RPS6KC1: variants seen among roughly 807,000 people sequenced by gnomAD.
RPS6KC1 encodes ribosomal protein S6 kinase C1, also known as inactive ribosomal protein S6 kinase delta-1.
Under a neutral mutation model 103.8 loss-of-function variants are expected in RPS6KC1, and 54 were observed. The observed-to-expected ratio is 0.52, with a 90% CI of 0.42 to 0.65. The LOEUF is 0.65. Ranked by LOEUF, RPS6KC1 falls within the 30% of genes least tolerant of loss-of-function variation. The pLI is 0.00. For synonymous variants in RPS6KC1, 439 were observed against 438.7 expected (o/e 1.00, Z -0.01); for missense variants, 1,151 against 1,253.8 (o/e 0.92, Z 1.24).
At chr1:213,438,892 C>G in the RPS6KC1 span, among the ~76,000 whole-genome samples, 4 of 149,534 alleles carry the variant, frequency 2.7e-5, no homozygotes, top group Admixed American at 2.7e-4. Flanking sequence ...CTCCCGGGTT[C>G]ACACCATTCT....
chr1:213,119,065 A>G (rs2084041310), intron 5 of RPS6KC1, among the ~76,000 whole-genome samples: 1 of 151,928 alleles, frequency 6.6e-6, no homozygotes, highest in East Asian at 1.9e-4. Flanking sequence ...CTGTTGCCTC[A>G]GTTTCCCTAC....
chr1:213,176,428 T>C lies in RPS6KC1; in HGVS notation c.980T>C (p.Leu327Pro), dbSNP rs1018986778. Residue 327 changes from leucine (L) to proline (P), a missense_variant, in exon 8 of 15, where the codon CTT becomes CCT. Transcript: ENST00000366960. ...CCAGGATCACTAAGTTCAAGGCCCC[T>C]TTGGAACCTAAGGAGCCCTGCCGAG... is the stretch of plus-strand genomic sequence containing the variant. Reference protein sequence around the residue: ...QPPGSLSSRPLWNLRSPAEEL... With the variant: ...QPPGSLSSRPPWNLRSPAEEL... The C allele has an allele frequency of 6.2e-7, 1 of 1,608,570 alleles. No homozygotes were observed. Among genetic ancestry groups the C allele is most frequent in the Non-Finnish European group, 8.5e-7 (1 of 1,175,940 alleles).
chr1:213,261,716 C>T (rs754915691), intron 13 of RPS6KC1, 76 bp downstream of exon 13: 3 of 1,278,674 alleles, frequency 2.3e-6, no homozygotes, highest in African/African-American at 1.5e-5. Flanking sequence ...TTAGCCTTCA[C>T]CCTTAGTTTT....
the RPS6KC1 span, among the ~76,000 whole-genome samples, chr1:213,313,152 C>T: frequency 6.3e-3 from 957 of 152,222 alleles, 10 homozygotes; most frequent in African/African-American, 0.022. Context: ...GACCCAGAAA[C>T]CCAAAGCTCA....
At chr1:213,222,109 G>A (rs1425965272) in intron 8 of RPS6KC1, among the ~76,000 whole-genome samples, 1 of 152,164 alleles carries the variant, frequency 6.6e-6, no homozygotes, top group African/African-American at 2.4e-5. Context: ...AAAGCTGTAG[G>A]CACAACATAT....
the RPS6KC1 span, among the ~76,000 whole-genome samples, chr1:213,522,451 C>A: frequency 6.6e-6 from 1 of 152,178 alleles, no homozygotes; most frequent in East Asian, 1.9e-4. Flanking sequence ...CTTAAGGTCA[C>A]CAGCTGCATT....
At chr1:213,621,044 G>T in the RPS6KC1 span, among the ~76,000 whole-genome samples, 7 of 152,092 alleles carry the variant, frequency 4.6e-5, no homozygotes, top group African/African-American at 1.7e-4. Context: ...TCTGTGTCCA[G>T]TAAGTAACCC....
the RPS6KC1 span, among the ~76,000 whole-genome samples, chr1:213,550,631 C>T: frequency 0.56 from 85,438 of 151,956 alleles, 25,037 homozygotes; most frequent in Non-Finnish European, 0.64. Context: ...ATCGCAGTAA[C>T]GCTCATCTTG....
At chr1:213,460,414 T>TC in the RPS6KC1 span, among the ~76,000 whole-genome samples, 1 of 151,070 alleles carries the variant, frequency 6.6e-6, no homozygotes, top group Non-Finnish European at 1.5e-5. Flanking sequence ...GCTTTTTTTT[T>TC]TTTTTTTTTG....
At chr1:213,107,058 C>T (rs1050728196) in intron 4 of RPS6KC1, among the ~76,000 whole-genome samples, 8 of 152,124 alleles carry the variant, frequency 5.3e-5, no homozygotes, top group South Asian at 4.1e-4. Flanking sequence ...TCTCCTGCCT[C>T]GGCCTCCTGA....
chr1:213,325,846 G>A, the RPS6KC1 span, among the ~76,000 whole-genome samples: 1 of 152,202 alleles, frequency 6.6e-6, no homozygotes, highest in South Asian at 2.1e-4. Context: ...AATGACAGAG[G>A]GTTTCTTTCG....
the RPS6KC1 span, among the ~76,000 whole-genome samples, chr1:213,432,995 G>A: frequency 2.0e-5 from 3 of 152,264 alleles, no homozygotes; most frequent in Non-Finnish European, 4.4e-5. Flanking sequence ...AAATCTAGTG[G>A]CATGAAACAG....
At chr1:213,842,627 C>G in the RPS6KC1 span, among the ~76,000 whole-genome samples, 1 of 152,208 alleles carries the variant, frequency 6.6e-6, no homozygotes, top group Non-Finnish European at 1.5e-5. Context: ...CACAACACTT[C>G]CATGGTCTTC....
At chr1:213,207,543 C>A (rs968868399) in intron 8 of RPS6KC1, among the ~76,000 whole-genome samples, 7 of 152,184 alleles carry the variant, frequency 4.6e-5, no homozygotes, top group African/African-American at 1.7e-4. Flanking sequence ...CACTCTGGAG[C>A]TCCAAGCCCC....
chr1:213,101,868 A>G (rs1375242671), intron 3 of RPS6KC1, among the ~76,000 whole-genome samples: 1 of 152,238 alleles, frequency 6.6e-6, no homozygotes, highest in African/African-American at 2.4e-5. Flanking sequence ...CAAAATAAGG[A>G]ATAATGAGCA....
chr1:213,194,603 C>G (rs2092869754), intron 8 of RPS6KC1, among the ~76,000 whole-genome samples: 1 of 152,170 alleles, frequency 6.6e-6, no homozygotes, highest in South Asian at 2.1e-4. Flanking sequence ...AGGAGGTGAA[C>G]AGCAGGCAAG....
At position 213,142,867 on chromosome 1, in the gene RPS6KC1, G is replaced by A. The variant is rs114502228; in HGVS notation, c.835+12978G>A. ...GTAGTACACTATGAATGGTGTAAAC[G>A]TAATTATTATATGCACCGGGAAACA... On this transcript the variant is annotated intron_variant, in intron 6 of 14. Coordinates refer to ENST00000366960, the MANE Select transcript of RPS6KC1 (RefSeq NM_012424.6). 6.3e-3 allele frequency among the ~76,000 whole-genome samples: 961 copies of A among 152,116 alleles called. 3 individuals carry two copies. The highest frequency in any genetic ancestry group is 0.012 in the Non-Finnish European group (788 of 68,010).
At chr1:213,829,799 A>G in the RPS6KC1 span, among the ~76,000 whole-genome samples, 1 of 152,206 alleles carries the variant, frequency 6.6e-6, no homozygotes, top group African/African-American at 2.4e-5. Context: ...TACCATTACC[A>G]GGTAATATGT....
At chr1:213,484,008 A>AT in the RPS6KC1 span, among the ~76,000 whole-genome samples, 3 of 152,300 alleles carry the variant, frequency 2.0e-5, no homozygotes, top group South Asian at 6.2e-4. Flanking sequence ...CCTTATTCTT[A>AT]AAATGCTGTC....
Sources: gnomAD v4.1 joint callset for allele counts (sites outside exome capture counted in the v4.1 genomes callset) on GRCh38, gnomAD v4.1.1 for gene constraint, MANE v1.5 for transcripts, NCBI Gene and HGNC (gene_info 2026-07-23, HGNC 2026-07-21) for gene names.